LONRF3: variants seen among roughly 807,000 people sequenced by gnomAD.
LONRF3 encodes the protein LON peptidase N-terminal domain and ring finger 3, also known as LON peptidase N-terminal domain and RING finger protein 3.
LONRF3 carries 19 observed loss-of-function variants against 51.7 expected under a neutral mutation model. That is an observed-to-expected ratio of 0.37 (90% CI 0.26 to 0.54). The LOEUF is 0.54. Among genes scored for constraint, LONRF3 ranks in the 20% least tolerant of loss-of-function variants. The pLI, the probability that LONRF3 is intolerant of heterozygous loss-of-function variation, is 0.86. For missense variants in LONRF3, 521 were observed against 623.9 expected, an observed-to-expected ratio of 0.84 and a Z score of 1.76; for synonymous variants, 265 against 257.8, an observed-to-expected ratio of 1.03 and a Z score of -0.27.
At position 118,989,685 on chromosome X, in the gene LONRF3, C is replaced by T. The variant is rs1434245025; in HGVS notation, c.1324+13C>T. 1.7e-6 allele frequency: 2 copies of T among 1,200,617 alleles called. No homozygotes were observed. Among genetic ancestry groups the T allele is most frequent in the East Asian group, 5.9e-5 (2 of 33,769 alleles). On this transcript the variant is annotated intron_variant, in intron 4 of 10. Coordinates refer to ENST00000371628, the MANE Select transcript of LONRF3 (RefSeq NM_001031855.3). ...GCCTCCAAGCAAGGTACTGGCTCTA[C>T]CCAGAGAGAAGGTAGCTTGGAGGAG...
chrX:119,014,379 A>G, intron 10 of LONRF3, 23 bp downstream of exon 10: 1 of 1,195,073 alleles, frequency 8.4e-7, no homozygotes, highest in South Asian at 1.9e-5. Context: ...GTCTATTTTT[A>G]AACGGGTTGT....
chrX:119,003,616 T>C (rs1273517824), intron 5 of LONRF3, among the ~76,000 whole-genome samples: 1 of 112,595 alleles, frequency 8.9e-6, no homozygotes, highest in Non-Finnish European at 1.9e-5. Context: ...AGTCATATAC[T>C]GTTTTAATCA....
rs758137559 is a variant in LONRF3, at chrX:118,975,269, G to A, written c.489G>A (p.Gly163=). 1 of 1,210,068 alleles carries A rather than the reference G, an allele frequency of 8.3e-7. No individual in the cohort carries two copies. The highest frequency in any genetic ancestry group is 3.0e-5 in the East Asian group (1 of 33,773). ...WDGFKCRKCH[G]FLSDPVSLSC... Reference sequence around the variant, plus strand: ...GCTTTAAGTGCCGGAAATGTCATGGGTTTCTATCAGACCCCGTGTCCTTGT... The same window carrying A: ...GCTTTAAGTGCCGGAAATGTCATGGATTTCTATCAGACCCCGTGTCCTTGT... The change falls in exon 1 of 11, where the codon GGG becomes GGA. Residue 163 remains glycine (G), a synonymous_variant. Transcript: ENST00000371628.
At chrX:118,993,059 C>T (rs1196345976) in intron 5 of LONRF3, among the ~76,000 whole-genome samples, 1 of 111,051 alleles carries the variant, frequency 9.0e-6, no homozygotes, top group East Asian at 2.8e-4. Context: ...CAGAGCCTAC[C>T]CAAATGAGAA....
intron 6 of LONRF3, among the ~76,000 whole-genome samples, chrX:119,006,470 G>T (rs1249526324): frequency 9.5e-6 from 1 of 105,322 alleles, no homozygotes; most frequent in Non-Finnish European, 1.9e-5. Context: ...GCGTGATCGC[G>T]GGTCACTGCA....
intron 5 of LONRF3, among the ~76,000 whole-genome samples, chrX:119,000,821 CTCTCTCTCTCTCTCTCTCA>C (rs1924247830): frequency 1.3e-5 from 1 of 79,287 alleles, no homozygotes; most frequent in Non-Finnish European, 2.5e-5. Flanking sequence ...CTCTCTCTCT[CTCTCTCTCTCTCTCTCTCA>C]CTGTCACTCT....
At chrX:119,009,799 TC>T (rs1924978422) in intron 7 of LONRF3, among the ~76,000 whole-genome samples, 1 of 111,353 alleles carries the variant, frequency 9.0e-6, no homozygotes, top group Admixed American at 9.5e-5. Context: ...AGATTGAGTC[TC>T]ACTCTGTCAC....
At chrX:119,016,509 G>A (rs1307994024) in intron 10 of LONRF3, among the ~76,000 whole-genome samples, 7 of 109,726 alleles carry the variant, frequency 6.4e-5, no homozygotes, top group African/African-American at 1.7e-4. Flanking sequence ...CACCGCGCCC[G>A]GCTAATTTTT....
chrX:118,986,345 T>C (rs1388349836), intron 3 of LONRF3, among the ~76,000 whole-genome samples: 1 of 111,399 alleles, frequency 9.0e-6, no homozygotes, highest in Admixed American at 9.5e-5. Flanking sequence ...TTCCTAACAG[T>C]TAACTGCTCA....
In LONRF3 at chrX:118,984,252, C is replaced by A. The variant is rs1922791522; in HGVS notation, c.1059+1309C>A. Among the ~76,000 whole-genome samples, 3 of 112,112 alleles carry A rather than the reference C, an allele frequency of 2.7e-5. No homozygotes were observed. The Admixed American group carries it at 2.9e-4, about 11-fold the overall frequency. ...GGAAAGTATTCAAACCCAAGTCTAT[C>A]TGCTTCCAAAGCCTGGCCTCTTAGC... On this transcript the variant is annotated intron_variant, in intron 3 of 10. Transcript: ENST00000371628.
At chrX:119,002,793 G>GT (rs1924418064) in intron 5 of LONRF3, among the ~76,000 whole-genome samples, 2 of 110,460 alleles carry the variant, frequency 1.8e-5, no homozygotes, top group South Asian at 3.8e-4. Flanking sequence ...GCTTCTTCTT[G>GT]TTTTTTTATT....
rs757127581 is a variant in LONRF3 at position 118,989,499 on chromosome X, G to A, written c.1151G>A (p.Gly384Glu). The change falls in exon 4 of 11, where the codon GGG (glycine) becomes GAG (glutamate). Residue 384 changes from glycine (G) to glutamate (E), a missense_variant. Transcript: ENST00000371628. ...SSLMDPAKVK[G>E]DGQQHHMKDQ... The stretch of plus-strand genomic sequence containing the variant: ...CTGATGGACCCAGCTAAAGTGAAGG[G>A]GGATGGTCAGCAGCACCACATGAAA... 1 of 1,211,642 alleles carries A rather than the reference G, an allele frequency of 8.3e-7. No individual in the cohort carries two copies. Among genetic ancestry groups the A allele is most frequent in the Non-Finnish European group, 1.1e-6 (1 of 895,474 alleles).
intron 1 of LONRF3, among the ~76,000 whole-genome samples, chrX:118,977,335 C>G (rs969352483): frequency 8.9e-6 from 1 of 111,732 alleles, no homozygotes; most frequent in African/African-American, 3.3e-5. Flanking sequence ...AAGCCCCTTC[C>G]TGCCCTCACC....
rs894703175 is a variant in LONRF3 at position 119,005,564 on chromosome X, A to G, written c.1416-557A>G. Among the ~76,000 whole-genome samples the G allele has an allele frequency of 8.0e-5, 9 of 112,287 alleles. No individual in the cohort carries two copies. In the East Asian group the frequency reaches 1.9e-3, roughly 24 times the overall value. ...CTGCCCCTATGAAAATTATCTATAT[A>G]AAAGGCAGTTATGTTTGTTAGAGGT... On this transcript the variant is annotated intron_variant, in intron 5 of 10. Coordinates refer to ENST00000371628, the MANE Select transcript of LONRF3 (RefSeq NM_001031855.3).
intron 3 of LONRF3, among the ~76,000 whole-genome samples, chrX:118,983,202 A>G (rs1922702864): frequency 8.9e-6 from 1 of 112,011 alleles, no homozygotes; most frequent in South Asian, 3.7e-4. Flanking sequence ...TCTTTGACTC[A>G]GGGTCTGGAT....
In LONRF3 at chrX:118,975,539, G is replaced by A. The variant is rs1921956277; in HGVS notation, c.759G>A (p.Leu253=). ...ASQLRHEGNR[L]YRERQVEAAL... ...AACTCCGGCACGAGGGCAACCGACT[G>A]TACCGCGAGCGCCAGGTGGAGGCGG... is the stretch of plus-strand genomic sequence containing the variant. The change falls in exon 1 of 11, where the codon CTG becomes CTA. Residue 253 remains leucine (L), a synonymous_variant. Transcript: ENST00000371628. 8.3e-7 allele frequency: 1 copy of A among 1,199,743 alleles called. No individual in the cohort carries two copies. Among genetic ancestry groups the A allele is most frequent in the Admixed American group, 2.2e-5 (1 of 44,748 alleles).
At chrX:118,997,253 G>A (rs1454055686) in intron 5 of LONRF3, among the ~76,000 whole-genome samples, 1 of 112,004 alleles carries the variant, frequency 8.9e-6, no homozygotes, top group Admixed American at 9.4e-5. Context: ...AAAACAGCAT[G>A]GTACTCGTAT....
chrX:119,016,624 C>T (rs923851186), intron 10 of LONRF3, among the ~76,000 whole-genome samples: 1 of 112,040 alleles, frequency 8.9e-6, no homozygotes, highest in Non-Finnish European at 1.9e-5. Flanking sequence ...GGATTACAGG[C>T]GTGAGCCACT....
chrX:118,990,014 C>G (rs1469649686), intron 4 of LONRF3, among the ~76,000 whole-genome samples: 1 of 112,292 alleles, frequency 8.9e-6, no homozygotes. Flanking sequence ...TCTAGGAATG[C>G]AGGATGAGGA....
Sources: allele counts gnomAD v4.1 joint callset (sites outside exome capture counted in the v4.1 genomes callset), GRCh38; gene constraint gnomAD v4.1.1; transcripts MANE v1.5; gene names NCBI Gene and HGNC (gene_info 2026-07-23, HGNC 2026-07-21).